SENP6: variants seen among roughly 807,000 people sequenced by gnomAD.
SENP6 encodes sentrin-specific protease 6.
A neutral mutation model predicts 134.5 loss-of-function variants in SENP6; 41 were observed. That is an observed-to-expected ratio of 0.30 (90% CI 0.24 to 0.40). The LOEUF is 0.40. Among genes scored for constraint, SENP6 ranks in the 10% least tolerant of loss-of-function variants. The probability of loss-of-function intolerance (pLI) is 1.00; values close to 1 mark genes in which losing one functional copy is unlikely to be tolerated. For missense variants in SENP6, 1,248 were observed against 1,312.5 expected (o/e 0.95, Z 0.76); for synonymous variants, 395 against 429.8 (o/e 0.92, Z 1.00).
At chr6:75,606,735 G>T (rs916771139) in intron 1 of SENP6, among the ~76,000 whole-genome samples, 4 of 152,046 alleles carry the variant, frequency 2.6e-5, no homozygotes, top group Non-Finnish European at 5.9e-5. Context: ...TTTTGGATTT[G>T]GGATGCTCAG....
intron 1 of SENP6, among the ~76,000 whole-genome samples, chr6:75,608,145 A>G (rs1000323810): frequency 6.6e-6 from 1 of 152,188 alleles, no homozygotes; most frequent in African/African-American, 2.4e-5. Flanking sequence ...AGTAAAGTAG[A>G]ACCTCACTTG....
At chr6:75,713,056 G>A (rs889843106) in intron 21 of SENP6, among the ~76,000 whole-genome samples, 16 of 152,128 alleles carry the variant, frequency 1.1e-4, no homozygotes, top group Non-Finnish European at 1.6e-4. Context: ...GCAGTGAGCT[G>A]TTATTACGCT....
intron 2 of SENP6, chr6:75,622,697 T>TA: frequency 2.2e-6 from 2 of 897,488 alleles, no homozygotes; most frequent in South Asian, 2.9e-5. Flanking sequence ...ATAAATATGT[T>TA]AAAGAAATTT....
intron 7 of SENP6, among the ~76,000 whole-genome samples, chr6:75,657,269 C>T (rs1167460600): frequency 6.6e-6 from 1 of 152,076 alleles, no homozygotes; most frequent in African/African-American, 2.4e-5. Context: ...GTTTATTTTC[C>T]GAATTCCAAA....
intron 11 of SENP6, among the ~76,000 whole-genome samples, chr6:75,675,122 C>T (rs752878878): frequency 6.6e-6 from 1 of 151,806 alleles, no homozygotes; most frequent in East Asian, 1.9e-4. Flanking sequence ...AGTCAGACCC[C>T]CATGACATGC....
chr6:75,696,638 A>G (rs1025723246), intron 17 of SENP6, among the ~76,000 whole-genome samples: 1 of 152,104 alleles, frequency 6.6e-6, no homozygotes, highest in African/African-American at 2.4e-5. Flanking sequence ...CACTCCACCC[A>G]GCTAATTTTT....
chr6:75,602,782 G>C (rs989021549), intron 1 of SENP6, among the ~76,000 whole-genome samples: 7 of 152,174 alleles, frequency 4.6e-5, no homozygotes, highest in Non-Finnish European at 8.8e-5. Flanking sequence ...GAGCCGGTTC[G>C]GCCCAGGGGG....
In SENP6 at chr6:75,621,546, G is replaced by C. The variant is rs777831873; in HGVS notation, c.67G>C (p.Glu23Gln). Residue 23 changes from glutamate to glutamine, a missense_variant, in exon 2 of 24, where the codon GAG becomes CAG. Transcript: ENST00000447266. Reference protein sequence around the residue: ...ITFLEALARSESKRDGGFKNN... With the variant: ...ITFLEALARSQSKRDGGFKNN... The stretch of plus-strand genomic sequence containing the variant: ...TTTTATTTCAGCTTTGGCTAGATCA[G>C]AGTCTAAGAGAGATGGAGGTTTTAA... The C allele has an allele frequency of 1.2e-6, 2 of 1,608,258 alleles. No homozygotes were observed. Among genetic ancestry groups the C allele is most frequent in the East Asian group, 4.5e-5 (2 of 44,610 alleles).
rs147851894 is a variant in SENP6 at position 75,694,115 on chromosome 6, G to T, written c.2076-1689G>T. ...CTACTAAAAATACAAAATTAGCCTG[G>T]CATGGTGGTCCATGCCTATAATCCC... On this transcript the variant is annotated intron_variant, in intron 16 of 23. Coordinates refer to ENST00000447266, the MANE Select transcript of SENP6 (RefSeq NM_015571.4). Among the ~76,000 whole-genome samples, 7 of 152,242 alleles carry T rather than the reference G, an allele frequency of 4.6e-5. No homozygotes were observed. In the East Asian group the frequency reaches 5.8e-4, roughly 13 times the overall value.
At chr6:75,615,205 GA>G (rs1456423818) in intron 1 of SENP6, among the ~76,000 whole-genome samples, 1 of 151,914 alleles carries the variant, frequency 6.6e-6, no homozygotes, top group African/African-American at 2.4e-5. Flanking sequence ...TGGTTTGTTT[GA>G]GTCTTGCTGT....
At chr6:75,699,046 AAAG>A (rs1774845612) in intron 18 of SENP6, among the ~76,000 whole-genome samples, 2 of 152,034 alleles carry the variant, frequency 1.3e-5, no homozygotes, top group South Asian at 2.1e-4. Flanking sequence ...AAAAGACAGA[AAAG>A]AAGGTTTCTT....
Position 75,692,960 on chromosome 6 carries a change from A to G in SENP6, c.2076-2844A>G, listed in dbSNP as rs535916724. Among the ~76,000 whole-genome samples the G allele has an allele frequency of 2.0e-5, 3 of 152,150 alleles. No homozygotes were observed. In the East Asian group the frequency reaches 5.8e-4, roughly 30 times the overall value. ...GTGGCGTATGCCTGTAGTTCCAGCT[A>G]CTCTGGAGGAAGAGGTAAGAGGATG... On this transcript the variant is annotated intron_variant, in intron 16 of 23. Transcript: ENST00000447266.
chr6:75,651,361 T>C (rs1770846843), intron 7 of SENP6, among the ~76,000 whole-genome samples: 2 of 152,198 alleles, frequency 1.3e-5, no homozygotes. Flanking sequence ...TTTTGCTTTT[T>C]GTTCGTTTTT....
In SENP6 at chr6:75,666,960, G is replaced by A. The variant is rs1772291616; in HGVS notation, c.1224+19G>A. On this transcript the variant is annotated intron_variant, in intron 10 of 23. Coordinates refer to ENST00000447266, the MANE Select transcript of SENP6 (RefSeq NM_015571.4). ...AGACCAGGTACTTTTCACTTTTGTT[G>A]ACATTTGTTCAGATTAATGCCTCCA... 6.4e-7 allele frequency: 1 copy of A among 1,553,128 alleles called. No individual in the cohort carries two copies. Among genetic ancestry groups the A allele is most frequent in the Non-Finnish European group, 8.8e-7 (1 of 1,132,170 alleles).
chr6:75,642,091 A>G (rs1770071088), intron 6 of SENP6, among the ~76,000 whole-genome samples: 1 of 152,180 alleles, frequency 6.6e-6, no homozygotes, highest in Non-Finnish European at 1.5e-5. Context: ...ATGTTTCTAC[A>G]ATTGTTTGAA....
At position 75,716,456 on chromosome 6, in the gene SENP6, A is replaced by G. The variant is rs1776025230; in HGVS notation, c.*862A>G. On this transcript the variant is annotated 3_prime_UTR_variant, in exon 24 of 24. Transcript: ENST00000447266. ...ACAGGAATTTAAATAGGAATTTACT[A>G]TTTTTTTATAAAGCTTTTGCTATTT... is the stretch of plus-strand genomic sequence containing the variant. 2 of 151,900 alleles carry G rather than the reference A, an allele frequency of 1.3e-5. No homozygotes were observed. The highest frequency in any genetic ancestry group is 1.3e-4 in the Admixed American group (2 of 15,240). The allele number at this position is 151,900 out of a possible 1,614,324, so 9.4% of individuals were successfully genotyped here.
chr6:75,664,986 G>T (rs1772084437), intron 9 of SENP6, among the ~76,000 whole-genome samples: 1 of 152,118 alleles, frequency 6.6e-6, no homozygotes, highest in Admixed American at 6.6e-5. Flanking sequence ...ACTTTATTGG[G>T]TTATCAAAGT....
At chr6:75,621,506 C>T (rs1218637861) in intron 1 of SENP6, 26 bp from the exon 2 acceptor site, 16 of 1,318,086 alleles carry the variant, frequency 1.2e-5, no homozygotes, top group Non-Finnish European at 1.6e-5. Context: ...TTAATGAATA[C>T]TTACTGCAGT....
chr6:75,638,322 G>A (rs1769688207), intron 5 of SENP6, among the ~76,000 whole-genome samples: 1 of 147,578 alleles, frequency 6.8e-6, no homozygotes, highest in Admixed American at 6.8e-5. Context: ...GTATGAAATA[G>A]TCCAACAAGA....
Sources: gnomAD v4.1 joint callset for allele counts (sites outside exome capture counted in the v4.1 genomes callset) on GRCh38, gnomAD v4.1.1 for gene constraint, MANE v1.5 for transcripts, NCBI Gene and HGNC (gene_info 2026-07-23, HGNC 2026-07-21) for gene names.